Variants in SHISA9 observed in about 807,000 individuals in gnomAD.
SHISA9 encodes protein shisa-9.
Under a neutral mutation model 38.0 loss-of-function variants are expected in SHISA9, and 13 were observed. The observed-to-expected ratio is 0.34, with a 90% CI of 0.22 to 0.54. SHISA9 has a LOEUF of 0.54. Ranked by LOEUF, SHISA9 falls within the 20% of genes least tolerant of loss-of-function variation. SHISA9 has a pLI of 0.91. For missense variants in SHISA9, 538 were observed against 575.8 expected (o/e 0.93, Z 0.67); for synonymous variants, 275 against 242.0 (o/e 1.14, Z -1.27).
At chr16:13,335,390 C>T in the SHISA9 span, among the ~76,000 whole-genome samples, 38 of 152,272 alleles carry the variant, frequency 2.5e-4, no homozygotes, top group African/African-American at 7.5e-4. Flanking sequence ...TTTCTGGTTC[C>T]GCTTCCATCA....
the SHISA9 span, among the ~76,000 whole-genome samples, chr16:13,504,872 G>A: frequency 5.9e-5 from 9 of 152,204 alleles, no homozygotes; most frequent in Non-Finnish European, 8.8e-5. Context: ...AGATCACGTT[G>A]ATGAAAAGTA....
At chr16:13,254,092 A>G in the SHISA9 span, among the ~76,000 whole-genome samples, 3 of 152,260 alleles carry the variant, frequency 2.0e-5, no homozygotes, top group South Asian at 2.1e-4. Context: ...AATCTTTTCT[A>G]TCCTTGCCAA....
rs1334298484 is a variant in SHISA9 at position 12,901,952 on chromosome 16, C to T, written c.-113C>T. On this transcript the variant is annotated 5_prime_UTR_variant, in exon 1 of 5. Coordinates refer to ENST00000558583, the MANE Select transcript of SHISA9 (RefSeq NM_001145204.3). ...CGCGCCGCTCCCTGCATGTGCGGCC[C>T]GCGGCGGCTCGCAGCTCCCGGCAGC... 2 of 881,734 alleles carry T rather than the reference C, an allele frequency of 2.3e-6. No individual in the cohort carries two copies. The highest frequency in any genetic ancestry group is 3.0e-6 in the Non-Finnish European group (2 of 661,170). The allele number at this position is 881,734 out of a possible 1,614,324, so 54.6% of individuals were successfully genotyped here.
intron 2 of SHISA9, among the ~76,000 whole-genome samples, chr16:13,170,046 T>C (rs2050671435): frequency 6.6e-6 from 1 of 151,722 alleles, no homozygotes; most frequent in Non-Finnish European, 1.5e-5. Flanking sequence ...CTACTAAAAA[T>C]ATAAAAATTA....
At chr16:13,446,505 G>A in the SHISA9 span, among the ~76,000 whole-genome samples, 1 of 152,188 alleles carries the variant, frequency 6.6e-6, no homozygotes, top group Admixed American at 6.5e-5. Flanking sequence ...AGAGGGGGAA[G>A]TGAATTGCTT....
chr16:13,446,365 C>CT, the SHISA9 span, among the ~76,000 whole-genome samples: 1 of 152,158 alleles, frequency 6.6e-6, no homozygotes, highest in Non-Finnish European at 1.5e-5. Flanking sequence ...GCATTTGACA[C>CT]TGGGCTATGT....
At chr16:13,015,878 C>G (rs940775788) in intron 2 of SHISA9, among the ~76,000 whole-genome samples, 1 of 111,766 alleles carries the variant, frequency 8.9e-6, no homozygotes, top group Non-Finnish European at 2.1e-5. Flanking sequence ...TTCTTTCTTT[C>G]TTTCTTTCTT....
At chr16:13,122,134 G>T (rs981822114) in intron 2 of SHISA9, among the ~76,000 whole-genome samples, 2 of 152,124 alleles carry the variant, frequency 1.3e-5, no homozygotes, top group Admixed American at 6.6e-5. Flanking sequence ...CCATAGTAGG[G>T]GCTCAATGCT....
intron 2 of SHISA9, among the ~76,000 whole-genome samples, chr16:13,029,332 A>G (rs1363546767): frequency 6.6e-6 from 1 of 151,378 alleles, no homozygotes; most frequent in Non-Finnish European, 1.5e-5. Context: ...TTGGCTGAAC[A>G]CGGTGGCTTA....
At chr16:13,290,922 C>T in the SHISA9 span, among the ~76,000 whole-genome samples, 2 of 152,144 alleles carry the variant, frequency 1.3e-5, no homozygotes, top group Admixed American at 6.5e-5. Flanking sequence ...CATCATTTAG[C>T]ACTTATTGTG....
chr16:13,021,103 T>C (rs1424185580), intron 2 of SHISA9, among the ~76,000 whole-genome samples: 1 of 152,190 alleles, frequency 6.6e-6, no homozygotes, highest in African/African-American at 2.4e-5. Flanking sequence ...GCAATAGCTA[T>C]ATGGTCCTGC....
the SHISA9 span, among the ~76,000 whole-genome samples, chr16:13,477,416 A>G: frequency 6.6e-6 from 1 of 152,242 alleles, no homozygotes; most frequent in Admixed American, 6.5e-5. Flanking sequence ...ATTCTAAGGC[A>G]GACAGAGCAA....
chr16:13,557,217 C>G, the SHISA9 span, among the ~76,000 whole-genome samples: 1 of 152,210 alleles, frequency 6.6e-6, no homozygotes, highest in African/African-American at 2.4e-5. Context: ...GAATTCAAAT[C>G]TCTTGCACTC....
At chr16:13,337,849 C>T in the SHISA9 span, among the ~76,000 whole-genome samples, 1 of 152,120 alleles carries the variant, frequency 6.6e-6, no homozygotes, top group African/African-American at 2.4e-5. Flanking sequence ...CACTCTCTCT[C>T]TCCTGCTCTG....
chr16:13,485,151 C>T, the SHISA9 span, among the ~76,000 whole-genome samples: 1 of 151,936 alleles, frequency 6.6e-6, no homozygotes, highest in Admixed American at 6.6e-5. Flanking sequence ...GTTTAAGCCC[C>T]ACATGCATTA....
At chr16:13,023,819 C>A (rs2072887534) in intron 2 of SHISA9, among the ~76,000 whole-genome samples, 1 of 152,110 alleles carries the variant, frequency 6.6e-6, no homozygotes, top group African/African-American at 2.4e-5. Flanking sequence ...AGATGAAAGA[C>A]CTCTTTTTCT....
the SHISA9 span, among the ~76,000 whole-genome samples, chr16:13,285,462 G>GTTTTTTTTTTTTTTTTT: frequency 4.2e-5 from 4 of 95,788 alleles, no homozygotes; most frequent in African/African-American, 1.7e-4. Flanking sequence ...TTCAGGTGTA[G>GTTTTTTTTTTTTTTTTT]TTTTTTTTTT....
chr16:12,917,675 C>T (rs2071275704), intron 2 of SHISA9, among the ~76,000 whole-genome samples: 1 of 141,766 alleles, frequency 7.1e-6, no homozygotes, highest in South Asian at 2.1e-4. Context: ...ATTATGTTTT[C>T]AAGTAACCCC....
chr16:13,193,494 G>C (rs1402857948), intron 2 of SHISA9, among the ~76,000 whole-genome samples: 1 of 152,082 alleles, frequency 6.6e-6, no homozygotes, highest in Non-Finnish European at 1.5e-5. Flanking sequence ...TGGTATTACA[G>C]CTACCATGCC....
Sources: gnomAD v4.1 joint callset for allele counts (sites outside exome capture counted in the v4.1 genomes callset) on GRCh38, gnomAD v4.1.1 for gene constraint, MANE v1.5 for transcripts, NCBI Gene and HGNC (gene_info 2026-07-23, HGNC 2026-07-21) for gene names.